The following LAG3 variants were observed in gnomAD, a reference collection of about 807,000 sequenced individuals.
The protein encoded by LAG3 is lymphocyte activation gene 3 protein.
Under a neutral mutation model 49.0 loss-of-function variants are expected in LAG3, and 29 were observed. That is an observed-to-expected ratio of 0.59 (90% CI 0.44 to 0.81). The LOEUF (loss-of-function observed/expected upper bound fraction) is 0.81. LAG3 is among the 30% of genes least tolerant of loss of function. The pLI is 0.00. For missense variants in LAG3, 693 were observed against 695.2 expected, an observed-to-expected ratio of 1.00 and a Z score of 0.04; for synonymous variants, 320 against 297.3, an observed-to-expected ratio of 1.08 and a Z score of -0.79.
intron 3 of LAG3, 24 bp from the exon 4 acceptor site, chr12:6,774,571 G>GA (rs1276608522): frequency 6.3e-7 from 1 of 1,599,498 alleles, no homozygotes; most frequent in African/African-American, 1.3e-5. Flanking sequence ...GTGGGCTGAT[G>GA]AAGTCTTCTT....
At chr12:6,774,064 GA>G in intron 3 of LAG3, 63 bp downstream of exon 3, 1 of 1,370,516 alleles carries the variant, frequency 7.3e-7, no homozygotes, top group Non-Finnish European at 9.4e-7. Flanking sequence ...TGCCTCCCGG[GA>G]CGCAGGAAGG....
chr12:6,774,012 C>T lies in LAG3; in HGVS notation c.511+11C>T. 3 of 1,403,368 alleles carry T rather than the reference C, an allele frequency of 2.1e-6. No homozygotes were observed. The highest frequency in any genetic ancestry group is 1.8e-6 in the Non-Finnish European group (2 of 1,091,038). 86.9% of individuals were successfully genotyped at this position (1,403,368 alleles called of 1,614,324 possible). ...TGGGCCAGGCCTCGAGTATGTGGGG[C>T]GGGACGATGGGAGAAGGGCTGGGAG... On this transcript the variant is annotated intron_variant, in intron 3 of 7. Transcript: ENST00000203629.
rs1941917047 is a variant in LAG3, at chr12:6,777,267, C to T, written c.1061C>T (p.Thr354Ile). Residue 354 changes from threonine to isoleucine, a missense_variant, in exon 6 of 8, where the codon ACT (threonine) becomes ATT (isoleucine). Transcript: ENST00000203629. ...CTCTTCCTTCTACTCTTTTCAGTGA[C>T]TCCCAAATCCTTTGGGTCACCTGGA... is the stretch of plus-strand genomic sequence containing the variant. The part of the protein sequence containing the change: ...ATVTLAIITV[T>I]PKSFGSPGSL... 6.2e-7 allele frequency: 1 copy of T among 1,614,132 alleles called. No homozygotes were observed. The highest frequency in any genetic ancestry group is 8.5e-7 in the Non-Finnish European group (1 of 1,180,018).
At position 6,774,737 on chromosome 12, in the gene LAG3, T is replaced by C. The variant is rs561474599; in HGVS notation, c.654T>C (p.His218=). 1 of 1,614,146 alleles carries C rather than the reference T, an allele frequency of 6.2e-7. No homozygotes were observed. Among genetic ancestry groups the C allele is most frequent in the South Asian group, 1.1e-5 (1 of 91,082 alleles). ...GAGTCCCTGTCCGGGAGTCCCCCCA[T>C]CACCACTTAGCGGAAAGCTTCCTCT... is the stretch of plus-strand genomic sequence containing the variant. ...QGRVPVRESP[H]HHLAESFLFL... The change falls in exon 4 of 8, where the codon CAT becomes CAC. Residue 218 remains histidine (H), a synonymous_variant. Transcript: ENST00000203629.
At chr12:6,778,199 TCTC>T (rs770071996) in intron 7 of LAG3, 42 bp from the exon 8 acceptor site, 34 of 1,529,862 alleles carry the variant, frequency 2.2e-5, no homozygotes, top group Admixed American at 9.9e-5. Context: ...CCTTCATCCT[TCTC>T]CTCCTTCCGC....
intron 3 of LAG3, 66 bp from the exon 4 acceptor site, chr12:6,774,529 G>C (rs1941882049): frequency 6.5e-7 from 1 of 1,535,562 alleles, no homozygotes; most frequent in African/African-American, 1.4e-5. Flanking sequence ...CTTCCGGCTT[G>C]GCAGCCCTGC....
chr12:6,777,999 C>A, intron 7 of LAG3, 78 bp downstream of exon 7: 1 of 1,601,620 alleles, frequency 6.2e-7, no homozygotes, highest in Non-Finnish European at 8.5e-7. Context: ...GCACCCCTTC[C>A]TCAGGAAGGT....
intron 6 of LAG3, 90 bp downstream of exon 6, chr12:6,777,596 G>A (rs1010717726): frequency 1.2e-5 from 18 of 1,519,588 alleles, no homozygotes; most frequent in East Asian, 7.2e-5. Flanking sequence ...CCATCCCAGC[G>A]CTTTTCTTTC....
In LAG3 at chr12:6,773,485, C is replaced by T. The variant is rs576166739; in HGVS notation, c.206+146C>T. ...CCTGCCCTCGCTTGCACCGTTCCTG[C>T]CCTTGCTCTGCAATCAGCGACCCTC... On this transcript the variant is annotated intron_variant, in intron 2 of 7. Transcript: ENST00000203629. This position sits in a 1 kb window ranked among gnomAD's most constrained non-coding sequence, Gnocchi z 5.5. 6 of 1,166,144 alleles carry T rather than the reference C, an allele frequency of 5.1e-6. No homozygotes were observed. Among genetic ancestry groups the T allele is most frequent in the Non-Finnish European group, 7.1e-6 (6 of 842,202 alleles). 72.2% of individuals were successfully genotyped at this position (1,166,144 alleles called of 1,614,324 possible).
rs1391922676 is a variant in LAG3, at chr12:6,772,559, TTGCTC to T, written c.-291_-287del. On this transcript the variant is annotated 5_prime_UTR_variant, in exon 1 of 8. Transcript: ENST00000203629. ...CGGCATCCCAGCCACGACGGCCACT[TTGCTC>T]TGTCTGCTCTCCGCCACGGCCCTGC... is the stretch of plus-strand genomic sequence containing the variant. 5.6e-6 allele frequency: 2 copies of T among 354,938 alleles called. No homozygotes were observed. Among genetic ancestry groups the T allele is most frequent in the African/African-American group, 2.1e-5 (1 of 47,318 alleles). 22.0% of individuals were successfully genotyped at this position (354,938 alleles called of 1,614,324 possible). A position where few individuals can be genotyped will look rare whatever the true frequency, so the allele number is the denominator to read the frequency against.
Position 6,773,474 on chromosome 12 carries a change from C to T in LAG3, c.206+135C>T. 8.3e-7 allele frequency: 1 copy of T among 1,208,030 alleles called. No individual in the cohort carries two copies. Among genetic ancestry groups the T allele is most frequent in the South Asian group, 1.4e-5 (1 of 71,882 alleles). 74.8% of individuals were successfully genotyped at this position (1,208,030 alleles called of 1,614,324 possible). On this transcript the variant is annotated intron_variant, in intron 2 of 7. Transcript: ENST00000203629. This position sits in a 1 kb window ranked among gnomAD's most constrained non-coding sequence, Gnocchi z 5.5. ...GACCCAGTCTCCCTGCCCTCGCTTG[C>T]ACCGTTCCTGCCCTTGCTCTGCAAT...
intron 5 of LAG3, among the ~76,000 whole-genome samples, chr12:6,776,575 AC>A (rs1363200422): frequency 6.6e-6 from 1 of 152,132 alleles, no homozygotes; most frequent in Non-Finnish European, 1.5e-5. Context: ...GATGCCCTTC[AC>A]CCTTTGTCTC....
chr12:6,775,913 T>C (rs750644900), intron 5 of LAG3, among the ~76,000 whole-genome samples: 1 of 152,170 alleles, frequency 6.6e-6, no homozygotes, highest in Non-Finnish European at 1.5e-5. Flanking sequence ...TGGGTTAGAG[T>C]TGCAGGAAGT....
In LAG3 at chr12:6,775,363, G is replaced by C. The variant is rs199709735; in HGVS notation, c.872G>C (p.Arg291Pro). The C allele has an allele frequency of 6.2e-7, 1 of 1,614,078 alleles. No homozygotes were observed. Among genetic ancestry groups the C allele is most frequent in the Non-Finnish European group, 8.5e-7 (1 of 1,180,046 alleles). The change falls in exon 5 of 8, where the codon CGG (arginine) becomes CCG (proline). Residue 291 changes from arginine (R) to proline (P), a missense_variant. Arg to Pro is a moderately radical substitution (Grantham distance 103, BLOSUM62 -2). Coordinates refer to ENST00000203629, the MANE Select transcript of LAG3 (RefSeq NM_002286.6). Reference protein sequence around the residue: ...PCRLPAGVGTRSFLTAKWTPP... With the variant: ...PCRLPAGVGTPSFLTAKWTPP... ...CGCCTGCCTGCTGGTGTGGGGACCCGGTCTTTCCTCACTGCCAAGTGGACT... is the reference window on the plus strand; with the variant it reads ...CGCCTGCCTGCTGGTGTGGGGACCCCGTCTTTCCTCACTGCCAAGTGGACT...
intron 5 of LAG3, 122 bp downstream of exon 5, chr12:6,775,670 C>A (rs1280832963): frequency 4.4e-6 from 4 of 911,060 alleles, no homozygotes; most frequent in Admixed American, 2.6e-5. Flanking sequence ...GGCACAAGTT[C>A]CAGAGCCTGC....
At position 6,773,196 on chromosome 12, in the gene LAG3, G is replaced by A. The variant is rs769148979; in HGVS notation, c.63G>A (p.Lys21=). 8.7e-6 allele frequency: 14 copies of A among 1,610,130 alleles called. No individual in the cohort carries two copies. Among genetic ancestry groups the A allele is most frequent in the Non-Finnish European group, 6.8e-6 (8 of 1,178,676 alleles). ...GCCTCTCTTTTGCTCACCTAGTGAA[G>A]CCTCTCCAGCCAGGGGCTGAGGTCC... ...FLQPLWVAPV[K]PLQPGAEVPV... is the part of the protein sequence containing the mutation. The change falls in exon 2 of 8, where the codon AAG becomes AAA. Residue 21 remains lysine (K), a synonymous_variant. Transcript: ENST00000203629. The surrounding 1 kb of genome is among the most constrained non-coding windows in gnomAD (Gnocchi z 5.5).
intron 4 of LAG3, 71 bp from the exon 5 acceptor site, chr12:6,775,202 T>G: frequency 6.7e-7 from 1 of 1,499,596 alleles, no homozygotes; most frequent in Non-Finnish European, 9.1e-7. Context: ...CTGCCTCCCT[T>G]CCTTGCAGCC....
chr12:6,774,926 C>T (rs759484473), intron 4 of LAG3, 62 bp downstream of exon 4: 1 of 1,520,284 alleles, frequency 6.6e-7, no homozygotes, highest in Non-Finnish European at 9.0e-7. Context: ...TTGTCACCTC[C>T]CCTAACTATG....
At chr12:6,774,120 G>A in intron 3 of LAG3, 119 bp downstream of exon 3, 1 of 1,321,902 alleles carries the variant, frequency 7.6e-7, no homozygotes, top group Admixed American at 3.9e-5. Context: ...AGAGCTCCCA[G>A]AAGAGTAGAG....
Sources: allele counts gnomAD v4.1 joint callset (sites outside exome capture counted in the v4.1 genomes callset), GRCh38; gene constraint gnomAD v4.1.1; non-coding constraint Gnocchi (gnomAD v3.1); transcripts MANE v1.5; gene names NCBI Gene and HGNC (gene_info 2026-07-23, HGNC 2026-07-21).